ZFAT: variants seen among roughly 807,000 people sequenced by gnomAD.
ZFAT encodes zinc finger and AT-hook domain containing.
A neutral mutation model predicts 117.7 loss-of-function variants in ZFAT; 64 were observed. That is an observed-to-expected ratio of 0.54 (90% CI 0.44 to 0.67). The LOEUF (loss-of-function observed/expected upper bound fraction) is 0.67, where lower values mean the gene tolerates loss of function less well. Ranked by LOEUF, ZFAT falls within the 30% of genes least tolerant of loss-of-function variation. The pLI is 0.00. For missense variants in ZFAT, 1,433 were observed against 1,584.5 expected (o/e 0.90, Z 1.62); for synonymous variants, 679 against 615.0 (o/e 1.10, Z -1.54).
chr8:134,765,807 T>A, the ZFAT span: 2 of 152,220 alleles, frequency 1.3e-5, no homozygotes, highest in Non-Finnish European at 2.9e-5. Context: ...TTGAGCTTCA[T>A]TAACTCCTCA....
the ZFAT span, chr8:134,793,046 C>T: frequency 1.3e-5 from 2 of 152,110 alleles, no homozygotes; most frequent in Non-Finnish European, 2.9e-5. Flanking sequence ...GAGAATGTGG[C>T]CAGATTTTTT....
intron 15 of ZFAT, among the ~76,000 whole-genome samples, chr8:134,492,216 G>A (rs1017436091): frequency 6.6e-6 from 1 of 152,080 alleles, no homozygotes; most frequent in African/African-American, 2.4e-5. Flanking sequence ...CCCTGCATGT[G>A]ACTAGATGGC....
intron 1 of ZFAT, among the ~76,000 whole-genome samples, chr8:134,668,048 T>C (rs7002804): frequency 0.35 from 52,735 of 151,956 alleles, 9,511 homozygotes; most frequent in South Asian, 0.43. Context: ...AAGGCGGCAC[T>C]GAGGCTGGGG....
At chr8:134,773,761 A>G in the ZFAT span, among the ~76,000 whole-genome samples, 1,798 of 152,282 alleles carry the variant, frequency 0.012, 41 homozygotes, top group African/African-American at 0.041. Context: ...GGGAAGAGCA[A>G]GAGAACTAGA....
chr8:134,600,034 G>A (rs902939857), intron 7 of ZFAT: 1 of 364,254 alleles, frequency 2.7e-6, no homozygotes, highest in South Asian at 2.1e-5. Flanking sequence ...ACCAAATACT[G>A]TTCTCATCAC....
the ZFAT span, among the ~76,000 whole-genome samples, chr8:134,771,490 C>T: frequency 6.2e-4 from 95 of 152,322 alleles, no homozygotes; most frequent in African/African-American, 2.1e-3. Flanking sequence ...TAAAACATAA[C>T]AAGAGTCATT....
intron 15 of ZFAT, among the ~76,000 whole-genome samples, chr8:134,491,947 T>A (rs1818084682): frequency 6.6e-6 from 1 of 152,238 alleles, no homozygotes; most frequent in Non-Finnish European, 1.5e-5. Flanking sequence ...CTCAATTTTT[T>A]ATTTTATAAT....
At chr8:134,793,046 C>A in the ZFAT span, 1 of 152,228 alleles carries the variant, frequency 6.6e-6, no homozygotes, top group Admixed American at 6.5e-5. Context: ...GAGAATGTGG[C>A]CAGATTTTTT....
the ZFAT span, among the ~76,000 whole-genome samples, chr8:134,818,311 A>G: frequency 2.1e-4 from 32 of 152,320 alleles, no homozygotes; most frequent in Non-Finnish European, 3.8e-4. Context: ...TTTAACGGGT[A>G]AAAGATTTGA....
At chr8:134,822,239 T>C in the ZFAT span, among the ~76,000 whole-genome samples, 2 of 152,094 alleles carry the variant, frequency 1.3e-5, no homozygotes, top group Non-Finnish European at 2.9e-5. Flanking sequence ...GTATAAGCAT[T>C]CAAATTTCCC....
chr8:134,605,653 A>C (rs896571044), intron 5 of ZFAT, among the ~76,000 whole-genome samples: 8 of 152,240 alleles, frequency 5.3e-5, no homozygotes, highest in Non-Finnish European at 1.0e-4. Flanking sequence ...AAGAAAGAAT[A>C]CAAAATTCAG....
chr8:134,497,326 T>C (rs922909872), intron 15 of ZFAT, among the ~76,000 whole-genome samples: 10 of 152,238 alleles, frequency 6.6e-5, no homozygotes, highest in African/African-American at 2.4e-4. Flanking sequence ...GAGAACAGCA[T>C]CCTCTGTGAG....
Position 134,696,017 on chromosome 8 carries a change from A to G in ZFAT, c.19+16828T>C, listed in dbSNP as rs146490514. 2.3e-4 allele frequency among the ~76,000 whole-genome samples: 32 copies of G among 140,940 alleles called. No individual in the cohort carries two copies. In the East Asian group the frequency reaches 6.6e-3, roughly 29 times the overall value. The allele number at this position is 140,940 out of a possible 152,430, so 92.5% of individuals were successfully genotyped here. A position where few individuals can be genotyped will look rare whatever the true frequency, so the allele number is the denominator to read the frequency against. On this transcript the variant is annotated intron_variant, in intron 1 of 15. Coordinates refer to ENST00000377838, the MANE Select transcript of ZFAT (RefSeq NM_020863.4). ...ACGAATAAGGTGCCACCCTCTAGAC[A>G]CCCAGGTCTTTAACCAAGGAGGCAC...
intron 7 of ZFAT, 106 bp downstream of exon 7, chr8:134,600,330 G>T: frequency 9.6e-7 from 1 of 1,043,918 alleles, no homozygotes; most frequent in Non-Finnish European, 1.5e-6. Flanking sequence ...ATCTCTCTAT[G>T]TTTTCAGGGC....
At chr8:134,661,604 G>A (rs964198911) in intron 1 of ZFAT, among the ~76,000 whole-genome samples, 4 of 152,332 alleles carry the variant, frequency 2.6e-5, no homozygotes, top group Admixed American at 1.3e-4. Context: ...GAGGGAGAAG[G>A]AAGGAGTACA....
At chr8:134,582,833 T>A (rs1263554662) in intron 10 of ZFAT, among the ~76,000 whole-genome samples, 1 of 152,204 alleles carries the variant, frequency 6.6e-6, no homozygotes, top group African/African-American at 2.4e-5. Flanking sequence ...AGCTATATCA[T>A]CCACTAAATT....
chr8:134,746,200 T>G, the ZFAT span, among the ~76,000 whole-genome samples: 1 of 152,354 alleles, frequency 6.6e-6, no homozygotes, highest in South Asian at 2.1e-4. Context: ...ATTCAAATGT[T>G]TAACAGCAGC....
chr8:134,715,491 T>G (rs988333646), upstream of ZFAT, among the ~76,000 whole-genome samples: 1 of 152,238 alleles, frequency 6.6e-6, no homozygotes, highest in Non-Finnish European at 1.5e-5. Context: ...AATGGAGAGA[T>G]GAGTCCACAG....
intron 13 of ZFAT, among the ~76,000 whole-genome samples, chr8:134,519,467 C>G (rs1158892009): frequency 1.3e-5 from 2 of 151,972 alleles, no homozygotes; most frequent in Non-Finnish European, 1.5e-5. Flanking sequence ...TATACATATT[C>G]TTATATTTAC....
Sources: gnomAD v4.1 joint callset for allele counts (sites outside exome capture counted in the v4.1 genomes callset) on GRCh38, gnomAD v4.1.1 for gene constraint, MANE v1.5 for transcripts, NCBI Gene and HGNC (gene_info 2026-07-23, HGNC 2026-07-21) for gene names.